The following GTF2I variants were observed in gnomAD, a reference collection of about 807,000 sequenced individuals.
GTF2I encodes the protein general transcription factor II-I.
In GTF2I, 12 loss-of-function variants were observed where a neutral mutation model predicts 67.6. The ratio of observed to expected loss-of-function variants is 0.18; its 90% CI spans 0.11 to 0.29. The LOEUF (loss-of-function observed/expected upper bound fraction) is 0.29, where lower values mean the gene tolerates loss of function less well. Ranked by LOEUF, GTF2I falls within the 10% of genes least tolerant of loss-of-function variation. GTF2I has a pLI of 1.00. For missense variants in GTF2I, 271 were observed against 580.1 expected (o/e 0.47, Z 5.47); for synonymous variants, 149 against 197.0 (o/e 0.76, Z 2.04).
chr7:74,662,446 G>A (rs1804589051), intron 1 of GTF2I, among the ~76,000 whole-genome samples: 1 of 148,170 alleles, frequency 6.7e-6, no homozygotes, highest in Non-Finnish European at 1.5e-5. Context: ...CTGACCTCAG[G>A]TGATCCGCCT....
At chr7:74,701,851 G>C (rs1429716857) in intron 6 of GTF2I, among the ~76,000 whole-genome samples, 2 of 152,162 alleles carry the variant, frequency 1.3e-5, no homozygotes, top group Non-Finnish European at 2.9e-5. Context: ...CATCATCACA[G>C]TCTTAATTTT....
At chr7:74,715,563 A>T (rs1421453049) in intron 10 of GTF2I, among the ~76,000 whole-genome samples, 2 of 152,092 alleles carry the variant, frequency 1.3e-5, no homozygotes, top group African/African-American at 4.8e-5. Flanking sequence ...TACTGGCCTC[A>T]TCATTTCACT....
At chr7:74,691,198 T>A in intron 3 of GTF2I, 87 bp downstream of exon 3, 1 of 1,017,268 alleles carries the variant, frequency 9.8e-7, no homozygotes, top group South Asian at 1.7e-5. Flanking sequence ...TTTTCTTTCT[T>A]TCTTTCTTTC....
chr7:74,749,888 CAAAAACAAAAAAAAAAAAA>C (rs1795690023), intron 26 of GTF2I, among the ~76,000 whole-genome samples: 1 of 89,120 alleles, frequency 1.1e-5, no homozygotes, highest in African/African-American at 4.1e-5. Flanking sequence ...AACTCCATCT[CAAAAACAAAAAAAAAAAAA>C]AAAAAGAAGA....
intron 3 of GTF2I, among the ~76,000 whole-genome samples, chr7:74,696,068 T>G (rs1055405447): frequency 4.6e-5 from 7 of 152,036 alleles, no homozygotes; most frequent in Non-Finnish European, 1.0e-4. Context: ...CTTGGCTCAC[T>G]GCAACCTCAG....
intron 1 of GTF2I, 75 bp from the exon 2 acceptor site, chr7:74,689,049 G>C: frequency 1.3e-6 from 1 of 799,748 alleles, no homozygotes; most frequent in Non-Finnish European, 2.2e-6. Flanking sequence ...CCGGTGAGGG[G>C]CCCTCACAGC....
intron 1 of GTF2I, among the ~76,000 whole-genome samples, chr7:74,685,431 A>T (rs587630306): frequency 6.6e-6 from 1 of 152,256 alleles, no homozygotes; most frequent in East Asian, 1.9e-4. Context: ...CGGGAGGCAG[A>T]GGTTGCAGTG....
At position 74,689,116 on chromosome 7, in the gene GTF2I, C is replaced by T; in HGVS notation, c.-5-8C>T. The T allele has an allele frequency of 6.4e-7, 1 of 1,558,956 alleles. No individual in the cohort carries two copies. Among genetic ancestry groups the T allele is most frequent in the Non-Finnish European group, 8.8e-7 (1 of 1,130,290 alleles). On this transcript the variant is annotated splice_region_variant and splice_polypyrimidine_tract_variant and intron_variant, in intron 1 of 34. Coordinates refer to ENST00000573035, the MANE Select transcript of GTF2I (RefSeq NM_032999.4). ...ACCACTCACTTTCTTCTTACTTCTC[C>T]TGCACAGGGATCATGGCCCAAGTTG...
chr7:74,712,795 GT>G (rs1554402888), intron 9 of GTF2I, among the ~76,000 whole-genome samples: 1 of 151,438 alleles, frequency 6.6e-6, no homozygotes, highest in Admixed American at 6.6e-5. Context: ...GGATTTATCT[GT>G]TTTGTCACAA....
chr7:74,698,651 A>G (rs899200102), intron 3 of GTF2I, among the ~76,000 whole-genome samples: 60 of 152,044 alleles, frequency 3.9e-4, no homozygotes, highest in Non-Finnish European at 2.8e-4. Flanking sequence ...GGCTCAAGCA[A>G]TCCTCCTGCT....
In GTF2I at chr7:74,697,271, T is replaced by G. The variant is rs765331818; in HGVS notation, c.239-1690T>G. Reference sequence around the variant, plus strand: ...TTAGCTGGGAGTGGTGGCGCGCACCTGTAATCCCAGCTACTCGGGAGGCTG... The same window carrying G: ...TTAGCTGGGAGTGGTGGCGCGCACCGGTAATCCCAGCTACTCGGGAGGCTG... On this transcript the variant is annotated intron_variant, in intron 3 of 34. Transcript: ENST00000573035. Among the ~76,000 whole-genome samples, 129 of 152,026 alleles carry G rather than the reference T, an allele frequency of 8.5e-4. 1 individual carries two copies. The highest frequency in any genetic ancestry group is 9.3e-4 in the Non-Finnish European group (63 of 68,014).
intron 8 of GTF2I, among the ~76,000 whole-genome samples, chr7:74,710,830 G>T (rs1791450427): frequency 6.6e-6 from 1 of 152,234 alleles, no homozygotes; most frequent in South Asian, 2.1e-4. Context: ...ATTAATAAAT[G>T]GTTAAAACTT....
At chr7:74,681,649 C>T (rs587704012) in intron 1 of GTF2I, among the ~76,000 whole-genome samples, 6 of 152,202 alleles carry the variant, frequency 3.9e-5, no homozygotes, top group African/African-American at 9.6e-5. Flanking sequence ...TAGTGGCTTA[C>T]GCCTGTAATC....
chr7:74,711,212 C>A, intron 9 of GTF2I, 103 bp downstream of exon 9: 1 of 582,194 alleles, frequency 1.7e-6, no homozygotes, highest in Non-Finnish European at 3.0e-6. Context: ...TTTTATTGAT[C>A]AGTTCTTGAT....
intron 2 of GTF2I, among the ~76,000 whole-genome samples, chr7:74,690,560 T>C (rs1199764599): frequency 6.6e-6 from 1 of 152,154 alleles, no homozygotes; most frequent in East Asian, 1.9e-4. Flanking sequence ...GGGCACTAAT[T>C]GCCCCAGGTG....
intron 4 of GTF2I, chr7:74,699,897 T>C (rs1789500521): frequency 4.9e-6 from 1 of 205,456 alleles, no homozygotes; most frequent in South Asian, 9.3e-5. Flanking sequence ...TTTATGGTAA[T>C]AGTTGGATGT....
At chr7:74,723,507 C>T (rs1002819560) in intron 12 of GTF2I, among the ~76,000 whole-genome samples, 3 of 139,588 alleles carry the variant, frequency 2.1e-5, no homozygotes, top group East Asian at 2.3e-4. Flanking sequence ...CTCGGTTCTC[C>T]GCAGCCTCCG....
Position 74,700,267 on chromosome 7 carries a change from A to C in GTF2I, c.394A>C (p.Thr132Pro). 6.2e-7 allele frequency: 1 copy of C among 1,614,162 alleles called. No homozygotes were observed. The highest frequency in any genetic ancestry group is 8.5e-7 in the Non-Finnish European group (1 of 1,180,014). Residue 132 changes from threonine (T) to proline (P), a missense_variant, in exon 5 of 35, where the codon ACA becomes CCA. Coordinates refer to ENST00000573035, the MANE Select transcript of GTF2I (RefSeq NM_032999.4). The part of the protein sequence containing the change: ...FCYGKALGKS[T>P]VVPVPYEKML... Reference sequence around the variant, plus strand: ...CCCAGGGAAAGCTTTAGGCAAATCCACAGTGGTACCTGTACCATATGAGAA... The same window carrying C: ...CCCAGGGAAAGCTTTAGGCAAATCCCCAGTGGTACCTGTACCATATGAGAA...
chr7:74,703,773 T>A (rs896591362), intron 6 of GTF2I, among the ~76,000 whole-genome samples: 21 of 152,364 alleles, frequency 1.4e-4, no homozygotes, highest in Non-Finnish European at 1.9e-4. Flanking sequence ...ACAAGTCTTA[T>A]AGCTTCAACT....
Sources: gnomAD v4.1 joint callset for allele counts (sites outside exome capture counted in the v4.1 genomes callset) on GRCh38, gnomAD v4.1.1 for gene constraint, MANE v1.5 for transcripts, NCBI Gene and HGNC (gene_info 2026-07-23, HGNC 2026-07-21) for gene names.